PPIH: variants seen among roughly 807,000 people sequenced by gnomAD.
PPIH encodes peptidylprolyl isomerase H.
Under a neutral mutation model 27.6 loss-of-function variants are expected in PPIH, and 16 were observed. That is an observed-to-expected ratio of 0.58 (90% CI 0.39 to 0.88). The LOEUF is 0.88. PPIH is among the 40% of genes least tolerant of loss of function. PPIH has a pLI of 0.00. For synonymous variants in PPIH, 63 were observed against 76.1 expected, an observed-to-expected ratio of 0.83 and a Z score of 0.90; for missense variants, 155 against 224.1, an observed-to-expected ratio of 0.69 and a Z score of 1.97.
chr1:42,660,763 G>A (rs868534622), intron 4 of PPIH, 99 bp from the exon 5 acceptor site: 4 of 1,042,012 alleles, frequency 3.8e-6, no homozygotes, highest in Admixed American at 2.4e-5. Flanking sequence ...CAAAGTGATA[G>A]TGTATTTTGA....
intron 9 of PPIH, among the ~76,000 whole-genome samples, chr1:42,671,885 CT>C (rs373111692): frequency 0.47 from 66,195 of 140,084 alleles, 15,158 homozygotes; most frequent in African/African-American, 0.49. Flanking sequence ...TTCTTTCTTT[CT>C]TTTTTTTTTT....
chr1:42,675,040 A>G (rs1649816492), intron 9 of PPIH, among the ~76,000 whole-genome samples: 1 of 152,224 alleles, frequency 6.6e-6, no homozygotes, highest in African/African-American at 2.4e-5. Flanking sequence ...CAAGATTTCT[A>G]AGGTAAGTTA....
downstream of PPIH, among the ~76,000 whole-genome samples, chr1:42,679,184 G>A (rs1264968660): frequency 2.6e-5 from 4 of 152,120 alleles, no homozygotes; most frequent in Non-Finnish European, 4.4e-5. Context: ...TTGTAGAGAG[G>A]TGGCTACAAG....
intron 3 of PPIH, 108 bp downstream of exon 3, chr1:42,659,359 C>CATTCATTCTTCAATG: frequency 6.2e-7 from 1 of 1,614,140 alleles, no homozygotes; most frequent in Non-Finnish European, 8.5e-7. Context: ...TTGCTGGTGA[C>CATTCATTCTTCAATG]AGTGATAGAA....
chr1:42,676,045 G>T (rs962220522), intron 9 of PPIH, among the ~76,000 whole-genome samples: 11 of 152,190 alleles, frequency 7.2e-5, no homozygotes, highest in African/African-American at 2.4e-4. Flanking sequence ...GACCATAAAT[G>T]TTAGTTGCTT....
At chr1:42,673,449 C>G (rs1649741605) in intron 9 of PPIH, among the ~76,000 whole-genome samples, 1 of 152,218 alleles carries the variant, frequency 6.6e-6, no homozygotes, top group Non-Finnish European at 1.5e-5. Context: ...CTCTGCTAGT[C>G]TGATATGCTT....
chr1:42,668,179 T>C (rs566341343), intron 9 of PPIH, among the ~76,000 whole-genome samples: 1 of 148,034 alleles, frequency 6.8e-6, no homozygotes, highest in African/African-American at 2.5e-5. Flanking sequence ...TTTGTTTTTC[T>C]TTTTTTTTTA....
intron 1 of PPIH, 109 bp from the exon 2 acceptor site, chr1:42,658,735 G>A: frequency 7.6e-7 from 1 of 1,321,930 alleles, no homozygotes; most frequent in Non-Finnish European, 1.1e-6. Flanking sequence ...GGAGGCGGAG[G>A]TGGGAGATAC....
At chr1:42,669,799 G>A (rs1421466278) in intron 9 of PPIH, among the ~76,000 whole-genome samples, 1 of 151,898 alleles carries the variant, frequency 6.6e-6, no homozygotes, top group Non-Finnish European at 1.5e-5. Context: ...TGTTTTCTGT[G>A]TTTTTTCTAG....
rs1411830451 is a variant in PPIH at position 42,659,542 on chromosome 1, G to T, written c.176G>T (p.Gly59Val). 4 of 1,613,946 alleles carry T rather than the reference G, an allele frequency of 2.5e-6. No individual in the cohort carries two copies. The highest frequency in any genetic ancestry group is 3.4e-6 in the Non-Finnish European group (4 of 1,180,050). The change falls in exon 4 of 10, where the codon GGA (glycine) becomes GTA (valine). Residue 59 changes from glycine to valine, a missense_variant. Transcript: ENST00000304979. The stretch of plus-strand genomic sequence containing the variant: ...TATAGGAAAGATGGGGTTCCAATAG[G>T]ATACAAAGGAAGCACCTTCCACAGG... ...GEFRKDGVPI[G>V]YKGSTFHRVI...
intron 5 of PPIH, among the ~76,000 whole-genome samples, chr1:42,663,403 C>T (rs1214269800): frequency 6.9e-6 from 1 of 145,330 alleles, no homozygotes; most frequent in South Asian, 2.2e-4. Flanking sequence ...AAATTCAGAT[C>T]TTTTTTTTTT....
intron 9 of PPIH, among the ~76,000 whole-genome samples, chr1:42,674,891 G>T (rs768329667): frequency 4.3e-4 from 65 of 152,330 alleles, no homozygotes; most frequent in Non-Finnish European, 3.5e-4. Flanking sequence ...AGAATGTCTG[G>T]CTCCAGTCCA....
chr1:42,658,627 A>C (rs1648797297), intron 1 of PPIH, 115 bp downstream of exon 1: 4 of 1,248,830 alleles, frequency 3.2e-6, no homozygotes, highest in Non-Finnish European at 4.6e-6. Flanking sequence ...GTGAAATTGC[A>C]CCCGAACCTA....
At chr1:42,667,545 T>C (rs1368492389) in intron 9 of PPIH, 105 bp downstream of exon 9, 3 of 905,660 alleles carry the variant, frequency 3.3e-6, no homozygotes, top group Non-Finnish European at 5.2e-6. Flanking sequence ...TGAGCCCAGT[T>C]CCTCCGTGTA....
chr1:42,670,780 AACTT>A (rs1241865972), intron 9 of PPIH, among the ~76,000 whole-genome samples: 1 of 151,944 alleles, frequency 6.6e-6, no homozygotes, highest in Non-Finnish European at 1.5e-5. Context: ...CTAAACTGTT[AACTT>A]TTTATTTTTT....
intron 2 of PPIH, 42 bp from the exon 3 acceptor site, chr1:42,659,186 G>T: frequency 1.2e-6 from 2 of 1,613,368 alleles, no homozygotes; most frequent in Non-Finnish European, 1.7e-6. Flanking sequence ...TCACGACTGT[G>T]ACATCATAGT....
At position 42,658,570 on chromosome 1, in the gene PPIH, A is replaced by C. The variant is rs1056119737; in HGVS notation, c.66+58A>C. 6.5e-6 allele frequency: 10 copies of C among 1,549,766 alleles called. No individual in the cohort carries two copies. The African/African-American group carries it at 1.4e-4, about 21-fold the overall frequency. The stretch of plus-strand genomic sequence containing the variant: ...GAAGGGAAACTGCTCGGGGCTAGGC[A>C]GGCAGAACTCACCCAGAGAGAGCGG... On this transcript the variant is annotated intron_variant, in intron 1 of 9. Transcript: ENST00000304979.
intron 9 of PPIH, among the ~76,000 whole-genome samples, chr1:42,676,100 G>T (rs1649867973): frequency 6.6e-6 from 1 of 152,176 alleles, no homozygotes; most frequent in Non-Finnish European, 1.5e-5. Flanking sequence ...TTGCTCTGGG[G>T]ACCTAAAGGT....
chr1:42,672,638 G>A (rs1250785249), intron 9 of PPIH, among the ~76,000 whole-genome samples: 1 of 151,816 alleles, frequency 6.6e-6, no homozygotes, highest in Non-Finnish European at 1.5e-5. Flanking sequence ...TGAAAATGAA[G>A]TTTTGTGTAC....
Sources: allele counts gnomAD v4.1 joint callset (sites outside exome capture counted in the v4.1 genomes callset), GRCh38; gene constraint gnomAD v4.1.1; transcripts MANE v1.5; gene names NCBI Gene and HGNC (gene_info 2026-07-23, HGNC 2026-07-21).